The following PTK7 variants were observed in gnomAD, a reference collection of about 807,000 sequenced individuals.
The protein encoded by PTK7 is protein tyrosine kinase 7 (inactive).
Under a neutral mutation model 116.6 loss-of-function variants are expected in PTK7, and 39 were observed. The observed-to-expected ratio is 0.33, with a 90% CI of 0.26 to 0.44. The LOEUF is 0.44. Ranked by LOEUF, PTK7 falls within the 20% of genes least tolerant of loss-of-function variation. PTK7 has a pLI of 1.00. For missense variants in PTK7, 1,169 were observed against 1,425.6 expected (o/e 0.82, Z 2.90); for synonymous variants, 546 against 563.6 (o/e 0.97, Z 0.44).
chr6:43,125,486 G>C (rs937346920), intron 1 of PTK7, among the ~76,000 whole-genome samples: 1 of 152,204 alleles, frequency 6.6e-6, no homozygotes, highest in Non-Finnish European at 1.5e-5. Flanking sequence ...TCTGTGGCAG[G>C]TGGTCTGTGG....
At position 43,076,959 on chromosome 6, in the gene PTK7, C is replaced by G. The variant is rs534424081; in HGVS notation, c.79+392C>G. The G allele has an allele frequency of 6.6e-7, 1 of 1,512,088 alleles. No individual in the cohort carries two copies. Among genetic ancestry groups the G allele is most frequent in the East Asian group, 2.5e-5 (1 of 39,738 alleles). The allele number at this position is 1,512,088 out of a possible 1,614,324, so 93.7% of individuals were successfully genotyped here. A position where few individuals can be genotyped will look rare whatever the true frequency, so the allele number is the denominator to read the frequency against. On this transcript the variant is annotated intron_variant, in intron 1 of 19. Coordinates refer to ENST00000230419, the MANE Select transcript of PTK7 (RefSeq NM_002821.5). The surrounding 1 kb of genome is among the most constrained non-coding windows in gnomAD (Gnocchi z 5.7). ...GAGCGCGATGGAGAAAAAGGAATTC[C>G]CCACCCCACCCGGCAGGGTCGGCCC...
intron 1 of PTK7, among the ~76,000 whole-genome samples, chr6:43,127,704 C>T (rs113235138): frequency 0.11 from 16,859 of 151,954 alleles, 1,515 homozygotes; most frequent in East Asian, 0.32. Context: ...CCGAGGCGGG[C>T]GGATCACGAG....
chr6:43,132,223 T>C (rs1342809266), intron 6 of PTK7, 59 bp downstream of exon 6: 3 of 1,547,070 alleles, frequency 1.9e-6, no homozygotes, highest in South Asian at 1.2e-5. Context: ...TTTTGGCACA[T>C]AGAGATTTAG....
intron 10 of PTK7, among the ~76,000 whole-genome samples, chr6:43,140,733 T>A (rs1229576539): frequency 6.6e-6 from 1 of 152,022 alleles, no homozygotes; most frequent in Non-Finnish European, 1.5e-5. Context: ...ACAAAAAATT[T>A]AAAAATTAGC....
In PTK7 at chr6:43,141,620, CTG is replaced by C. The variant is rs1035152361; in HGVS notation, c.1619-44_1619-43del. 3.2e-6 allele frequency: 5 copies of C among 1,580,414 alleles called. No individual in the cohort carries two copies. The African/African-American group carries it at 5.4e-5, about 17-fold the overall frequency. On this transcript the variant is annotated intron_variant, in intron 10 of 19. Transcript: ENST00000230419. This position sits in a 1 kb window ranked among gnomAD's most constrained non-coding sequence, Gnocchi z 4.9. Reference sequence around the variant, plus strand: ...AGGGACTGAAGGCATTGCCAGCTGTCTGTGTAACCCTGATCCTTCCCATAATT... The same window carrying C: ...AGGGACTGAAGGCATTGCCAGCTGTCTGTAACCCTGATCCTTCCCATAATT...
chr6:43,117,352 C>T (rs551503240), intron 1 of PTK7, among the ~76,000 whole-genome samples: 5 of 152,200 alleles, frequency 3.3e-5, no homozygotes, highest in African/African-American at 7.2e-5. Flanking sequence ...AATACCTGCC[C>T]GTGGAACACC....
At chr6:43,118,398 G>C (rs560583526) in intron 1 of PTK7, among the ~76,000 whole-genome samples, 1 of 151,668 alleles carries the variant, frequency 6.6e-6, no homozygotes, top group Non-Finnish European at 1.5e-5. Context: ...TTAGCTGGGC[G>C]TGGTGGCGGG....
Position 43,132,485 on chromosome 6 carries a change from C to A in PTK7, c.1026C>A (p.Thr342=). ...VFTAGSEERV[T]CLPPKGLPEP... is the part of the protein sequence containing the mutation. ...CAGCTGGCAGCGAGGAGCGTGTGAC[C>A]TGCCTTCCCCCCAAGGGTCTGCCAG... The change falls in exon 7 of 20, where the codon ACC becomes ACA. Residue 342 remains threonine (T), a synonymous_variant. Transcript: ENST00000230419. 6.2e-7 allele frequency: 1 copy of A among 1,603,790 alleles called. No individual in the cohort carries two copies. The highest frequency in any genetic ancestry group is 8.5e-7 in the Non-Finnish European group (1 of 1,171,938).
At chr6:43,157,326 C>CTA (rs376896300) in intron 17 of PTK7, among the ~76,000 whole-genome samples, 21 of 22,008 alleles carry the variant, frequency 9.5e-4, no homozygotes, top group East Asian at 4.8e-3. Context: ...GACACACACG[C>CTA]TATATATATA....
At chr6:43,160,592 C>A in intron 19 of PTK7, 129 bp from the exon 20 acceptor site, 1 of 1,210,292 alleles carries the variant, frequency 8.3e-7, no homozygotes, top group Middle Eastern at 2.5e-4. Flanking sequence ...CGGGTACCCA[C>A]CTGCCGCTGG....
chr6:43,076,760 G>A lies in PTK7; in HGVS notation c.79+193G>A. On this transcript the variant is annotated intron_variant, in intron 1 of 19. Transcript: ENST00000230419. The surrounding 1 kb of genome is among the most constrained non-coding windows in gnomAD (Gnocchi z 5.7). ...TCGGGAGGCTGGCGAAGCCTCCAGG[G>A]ACGCGGTCAGGGTACCCCTCCCACT... The A allele has an allele frequency of 7.2e-7, 1 of 1,397,608 alleles. No homozygotes were observed. The highest frequency in any genetic ancestry group is 9.3e-7 in the Non-Finnish European group (1 of 1,075,108). 86.6% of individuals were successfully genotyped at this position (1,397,608 alleles called of 1,614,324 possible).
Position 43,105,110 on chromosome 6 carries a change from C to CT in PTK7, c.80-23853dup, listed in dbSNP as rs768467544. 4.8e-3 allele frequency among the ~76,000 whole-genome samples: 675 copies of CT among 140,768 alleles called. 3 individuals are homozygous for CT. Among genetic ancestry groups the CT allele is most frequent in the African/African-American group, 0.015 (559 of 38,530 alleles). The allele number at this position is 140,768 out of a possible 152,430, so 92.3% of individuals were successfully genotyped here. The stretch of plus-strand genomic sequence containing the variant: ...ATAGGCATGAGCCACCAAGCCCAGC[C>CT]TTTTTTTTTTTTTTAAAAAAACTTC... On this transcript the variant is annotated intron_variant, in intron 1 of 19. Transcript: ENST00000230419.
In PTK7 at chr6:43,129,779, C is replaced by T. The variant is rs746854546; in HGVS notation, c.420C>T (p.Ile140=). 1 of 1,614,180 alleles carries T rather than the reference C, an allele frequency of 6.2e-7. No individual in the cohort carries two copies. Among genetic ancestry groups the T allele is most frequent in the Non-Finnish European group, 8.5e-7 (1 of 1,180,040 alleles). ...VLKHPASEAE[I]QPQTQVTLRC... ...AGCATCCAGCCTCGGAAGCTGAGAT[C>T]CAGCCACAGACCCAGGTCACACTTC... Residue 140 remains isoleucine, a synonymous_variant, in exon 3 of 20, where the codon ATC becomes ATT. Coordinates refer to ENST00000230419, the MANE Select transcript of PTK7 (RefSeq NM_002821.5). The surrounding 1 kb of genome is among the most constrained non-coding windows in gnomAD (Gnocchi z 4.5).
intron 12 of PTK7, 44 bp from the exon 13 acceptor site, chr6:43,142,128 C>T (rs565944814): frequency 1.2e-6 from 2 of 1,612,054 alleles, no homozygotes; most frequent in South Asian, 1.1e-5. Context: ...CCTGCAGCCC[C>T]CCTCCCTGCG....
In PTK7 at chr6:43,157,366, TTTTTTTTTTC is replaced by T. The variant is rs1561990628; in HGVS notation, c.2722-1441_2722-1432del. On this transcript the variant is annotated intron_variant, in intron 17 of 19. Coordinates refer to ENST00000230419, the MANE Select transcript of PTK7 (RefSeq NM_002821.5). Reference sequence around the variant, plus strand: ...TATATATATATATATATATATATATTTTTTTTTTTCTTTTTTTTTTTTTTTTTTTAATAGA... The same window carrying T: ...TATATATATATATATATATATATATTTTTTTTTTTTTTTTTTTTTAATAGA... 1.3e-3 allele frequency among the ~76,000 whole-genome samples: 74 copies of T among 55,592 alleles called. 2 individuals carry two copies. The highest frequency in any genetic ancestry group is 4.1e-3 in the African/African-American group (59 of 14,396). 36.5% of individuals were successfully genotyped at this position (55,592 alleles called of 152,430 possible).
At chr6:43,134,823 A>G (rs1489523465) in intron 7 of PTK7, among the ~76,000 whole-genome samples, 1 of 151,508 alleles carries the variant, frequency 6.6e-6, no homozygotes, top group African/African-American at 2.4e-5. Flanking sequence ...GGTGATGCAC[A>G]CCTATAATCC....
At chr6:43,133,786 G>A (rs1384829049) in intron 7 of PTK7, 2 of 152,064 alleles carry the variant, frequency 1.3e-5, no homozygotes, top group Middle Eastern at 3.2e-3. Context: ...TTATCTTTCC[G>A]AGTGGGTAAC....
intron 1 of PTK7, among the ~76,000 whole-genome samples, chr6:43,086,470 G>A (rs1334165208): frequency 6.6e-6 from 1 of 151,200 alleles, no homozygotes. Flanking sequence ...TGAGGGGAAC[G>A]CTTGTCTGCT....
intron 15 of PTK7, chr6:43,144,936 A>G (rs1770640931): frequency 4.7e-6 from 2 of 423,796 alleles, no homozygotes; most frequent in Non-Finnish European, 8.3e-6. Context: ...TTTTCCTAGC[A>G]TACGTTAAGA....
Sources: allele counts gnomAD v4.1 joint callset (sites outside exome capture counted in the v4.1 genomes callset), GRCh38; gene constraint gnomAD v4.1.1; non-coding constraint Gnocchi (gnomAD v3.1); transcripts MANE v1.5; gene names NCBI Gene and HGNC (gene_info 2026-07-23, HGNC 2026-07-21).